ATXN7L1: variants seen among roughly 807,000 people sequenced by gnomAD.
ATXN7L1 encodes the protein ataxin-7-like protein 1.
ATXN7L1 carries 15 observed loss-of-function variants against 70.8 expected under a neutral mutation model. The ratio of observed to expected loss-of-function variants is 0.21; its 90% CI spans 0.14 to 0.33. The LOEUF is 0.33. Ranked by LOEUF, ATXN7L1 falls within the 10% of genes least tolerant of loss-of-function variation. The pLI is 1.00. For missense variants in ATXN7L1, 975 were observed against 1,097.1 expected (o/e 0.89, Z 1.57); for synonymous variants, 440 against 445.1 (o/e 0.99, Z 0.14).
At chr7:105,803,999 T>C (rs1807202240) in intron 2 of ATXN7L1, among the ~76,000 whole-genome samples, 1 of 151,994 alleles carries the variant, frequency 6.6e-6, no homozygotes, top group Non-Finnish European at 1.5e-5. Context: ...TGTGTCCCTG[T>C]CCCCTCCCTG....
At position 105,834,322 on chromosome 7, in the gene ATXN7L1, G is replaced by A. The variant is rs145279029; in HGVS notation, c.250+41490C>T. Among the ~76,000 whole-genome samples the A allele has an allele frequency of 4.6e-5, 7 of 152,086 alleles. No individual in the cohort carries two copies. In the East Asian group the frequency reaches 9.7e-4, roughly 21 times the overall value. On this transcript the variant is annotated intron_variant, in intron 2 of 11. Transcript: ENST00000419735. ...CTCCCAAAGTGCTGGGATTACATAC[G>A]TGAGCCACCACGCCTGGCCTCATCA...
chr7:105,817,934 A>G (rs1809441886), intron 2 of ATXN7L1, among the ~76,000 whole-genome samples: 1 of 152,188 alleles, frequency 6.6e-6, no homozygotes, highest in Admixed American at 6.5e-5. Flanking sequence ...CAATAAATAA[A>G]TGTTGAATTT....
intron 2 of ATXN7L1, among the ~76,000 whole-genome samples, chr7:105,834,048 T>C (rs1334031220): frequency 6.6e-6 from 1 of 152,214 alleles, no homozygotes; most frequent in Non-Finnish European, 1.5e-5. Flanking sequence ...TTGTTTATTA[T>C]TTATTTATTT....
chr7:105,852,118 C>T lies in ATXN7L1; in HGVS notation c.250+23694G>A, dbSNP rs112473057. 7.9e-3 allele frequency among the ~76,000 whole-genome samples: 1,207 copies of T among 152,294 alleles called. 17 individuals are homozygous for T. Among genetic ancestry groups the T allele is most frequent in the African/African-American group, 0.027 (1,114 of 41,552 alleles). On this transcript the variant is annotated intron_variant, in intron 2 of 11. Coordinates refer to ENST00000419735, the MANE Select transcript of ATXN7L1 (RefSeq NM_020725.2). ...GTTCCATCACCTTCCTGTTCTATGT[C>T]GTCCATACCCTGTTCCCAGAGGCTT...
At chr7:105,863,123 C>T (rs944749341) in intron 2 of ATXN7L1, among the ~76,000 whole-genome samples, 1 of 152,176 alleles carries the variant, frequency 6.6e-6, no homozygotes, top group African/African-American at 2.4e-5. Flanking sequence ...TGAACAGCGG[C>T]CTAGAAGATG....
chr7:105,785,776 TTC>T (rs143148628), intron 3 of ATXN7L1, among the ~76,000 whole-genome samples: 7,501 of 152,212 alleles, frequency 0.049, 488 homozygotes, highest in African/African-American at 0.14. Flanking sequence ...AGAACTCTTG[TTC>T]TCTTTCCACC....
At chr7:105,672,624 T>A (rs896105117) in intron 3 of ATXN7L1, among the ~76,000 whole-genome samples, 2 of 152,116 alleles carry the variant, frequency 1.3e-5, no homozygotes, top group African/African-American at 4.8e-5. Flanking sequence ...CTAGAAAACA[T>A]CAGATCTGGG....
chr7:105,620,345 T>C, intron 8 of ATXN7L1, 24 bp from the exon 9 acceptor site: 1 of 1,534,038 alleles, frequency 6.5e-7, no homozygotes, highest in Non-Finnish European at 8.8e-7. Context: ...AAAATTTTAA[T>C]TTTGATTACA....
chr7:105,689,767 G>A (rs1472349517), intron 3 of ATXN7L1, among the ~76,000 whole-genome samples: 2 of 152,212 alleles, frequency 1.3e-5, no homozygotes, highest in Non-Finnish European at 2.9e-5. Flanking sequence ...GCAAATGGGG[G>A]CATGAGGAGG....
At chr7:105,827,565 T>C (rs7805810) in intron 2 of ATXN7L1, among the ~76,000 whole-genome samples, 204 of 152,304 alleles carry the variant, frequency 1.3e-3, no homozygotes, top group Middle Eastern at 6.8e-3. Context: ...TTGTGAGACA[T>C]GAAACTCGCC....
intron 2 of ATXN7L1, among the ~76,000 whole-genome samples, chr7:105,862,683 C>T (rs1816816453): frequency 1.3e-5 from 2 of 152,122 alleles, no homozygotes; most frequent in African/African-American, 2.4e-5. Context: ...AAAGGACTGT[C>T]AAGGACTCTT....
chr7:105,747,865 A>C (rs967972583), intron 3 of ATXN7L1, among the ~76,000 whole-genome samples: 2 of 125,270 alleles, frequency 1.6e-5, no homozygotes, highest in African/African-American at 6.8e-5. Flanking sequence ...TCACACCTGT[A>C]ATCCCAGCAC....
intron 3 of ATXN7L1, among the ~76,000 whole-genome samples, chr7:105,685,044 GATAATA>G (rs112358794): frequency 0.11 from 15,628 of 142,580 alleles, 963 homozygotes; most frequent in Middle Eastern, 0.16. Context: ...GAGAAGAGAT[GATAATA>G]ATAATAATAA....
intron 10 of ATXN7L1, among the ~76,000 whole-genome samples, chr7:105,611,931 G>A (rs985699703): frequency 6.6e-6 from 1 of 152,310 alleles, no homozygotes; most frequent in South Asian, 2.1e-4. Context: ...CAAGCACCGA[G>A]GTATCACCTG....
At chr7:105,784,765 G>A (rs1428890792) in intron 3 of ATXN7L1, among the ~76,000 whole-genome samples, 5 of 152,216 alleles carry the variant, frequency 3.3e-5, no homozygotes, top group Non-Finnish European at 5.9e-5. Context: ...GAAGAGGGAT[G>A]AGGTGAGCTG....
chr7:105,760,828 A>G (rs1800439273), intron 3 of ATXN7L1: 1 of 155,074 alleles, frequency 6.4e-6, no homozygotes, highest in Admixed American at 6.6e-5. Context: ...AAAAGCATGT[A>G]TGTGCAAGGG....
chr7:105,849,415 T>A (rs1230864702), intron 2 of ATXN7L1, among the ~76,000 whole-genome samples: 1 of 152,112 alleles, frequency 6.6e-6, no homozygotes, highest in Non-Finnish European at 1.5e-5. Context: ...TCAAGCCTGG[T>A]TTTCTCCCTG....
intron 3 of ATXN7L1, among the ~76,000 whole-genome samples, chr7:105,710,356 TGGA>T (rs893049222): frequency 3.3e-5 from 5 of 150,686 alleles, no homozygotes; most frequent in Admixed American, 1.3e-4. Context: ...CGTCTTACTA[TGGA>T]GGAGCAGGAG....
At chr7:105,814,449 C>T (rs1808896176) in intron 2 of ATXN7L1, among the ~76,000 whole-genome samples, 1 of 151,424 alleles carries the variant, frequency 6.6e-6, no homozygotes, top group Admixed American at 6.6e-5. Flanking sequence ...TTTTTTTTTC[C>T]AGGTTGTATG....
Sources: gnomAD v4.1 joint callset for allele counts (sites outside exome capture counted in the v4.1 genomes callset) on GRCh38, gnomAD v4.1.1 for gene constraint, MANE v1.5 for transcripts, NCBI Gene and HGNC (gene_info 2026-07-23, HGNC 2026-07-21) for gene names.